USP8: variants seen among roughly 807,000 people sequenced by gnomAD.
The protein encoded by USP8 is ubiquitin carboxyl-terminal hydrolase 8.
A neutral mutation model predicts 130.0 loss-of-function variants in USP8; 27 were observed. The ratio of observed to expected loss-of-function variants is 0.21; its 90% CI spans 0.15 to 0.29. The LOEUF is 0.29. USP8 is among the 10% of genes least tolerant of loss of function. The pLI is 1.00. For synonymous variants in USP8, 392 were observed against 444.1 expected (o/e 0.88, Z 1.48); for missense variants, 1,029 against 1,312.2 (o/e 0.78, Z 3.33).
chr15:50,437,780 G>T (rs117273095), intron 1 of USP8, among the ~76,000 whole-genome samples: 178 of 152,336 alleles, frequency 1.2e-3, no homozygotes, highest in East Asian at 9.3e-3. Flanking sequence ...TTTGATATCA[G>T]TTGATCCATT....
At chr15:50,435,557 C>G (rs1024486594) in intron 1 of USP8, among the ~76,000 whole-genome samples, 3 of 152,168 alleles carry the variant, frequency 2.0e-5, no homozygotes, top group Admixed American at 1.3e-4. Context: ...TGCTTTCTCA[C>G]TTGATGAGCG....
chr15:50,459,996 C>CTTTTT lies in USP8; in HGVS notation c.498+848_498+852dup, dbSNP rs1555386693. 4.6e-4 allele frequency among the ~76,000 whole-genome samples: 42 copies of CTTTTT among 92,006 alleles called. 2 individuals carry two copies. The highest frequency in any genetic ancestry group is 1.1e-3 in the Admixed American group (9 of 8,002). 60.4% of individuals were successfully genotyped at this position (92,006 alleles called of 152,430 possible). A position where few individuals can be genotyped will look rare whatever the true frequency, so the allele number is the denominator to read the frequency against. On this transcript the variant is annotated intron_variant, in intron 5 of 19. Transcript: ENST00000307179. ...CTCCCCCAGTTCCCCCACCCCCCCC[C>CTTTTT]TTTTTTTTTTTTTTTTTTGAGACAG...
chr15:50,486,095 T>C (rs528337620), intron 12 of USP8, among the ~76,000 whole-genome samples: 1 of 152,282 alleles, frequency 6.6e-6, no homozygotes, highest in Non-Finnish European at 1.5e-5. Flanking sequence ...GAATTTAACA[T>C]GTTAAATTTT....
intron 10 of USP8, among the ~76,000 whole-genome samples, chr15:50,479,266 T>A (rs1480886942): frequency 6.6e-6 from 1 of 152,148 alleles, no homozygotes; most frequent in Non-Finnish European, 1.5e-5. Flanking sequence ...GTATTTTATC[T>A]GGGCTTTAAG....
At chr15:50,439,683 G>A (rs996673108) in intron 2 of USP8, among the ~76,000 whole-genome samples, 2 of 151,494 alleles carry the variant, frequency 1.3e-5, no homozygotes, top group Non-Finnish European at 2.9e-5. Flanking sequence ...CCAGCTACTC[G>A]GGAGGCTGAG....
Position 50,449,498 on chromosome 15 carries a change from T to C in USP8, c.335+13T>C. On this transcript the variant is annotated intron_variant, in intron 4 of 19. Transcript: ENST00000307179. ...GCCTTAAATTAAGGTACAGATATTATGAAATATTTAAAATAATGTAAATTT... is the reference window on the plus strand; with the variant it reads ...GCCTTAAATTAAGGTACAGATATTACGAAATATTTAAAATAATGTAAATTT... 2 of 1,475,144 alleles carry C rather than the reference T, an allele frequency of 1.4e-6. No individual in the cohort carries two copies. The highest frequency in any genetic ancestry group is 1.8e-6 in the Non-Finnish European group (2 of 1,091,902). The allele number at this position is 1,475,144 out of a possible 1,614,324, so 91.4% of individuals were successfully genotyped here. A position where few individuals can be genotyped will look rare whatever the true frequency, so the allele number is the denominator to read the frequency against.
intron 5 of USP8, among the ~76,000 whole-genome samples, chr15:50,461,597 A>C (rs2051008068): frequency 6.6e-6 from 1 of 152,160 alleles, no homozygotes; most frequent in Non-Finnish European, 1.5e-5. Context: ...GCTCATGCCT[A>C]TAATCCCAGC....
At chr15:50,459,477 G>A (rs954173744) in intron 5 of USP8, among the ~76,000 whole-genome samples, 7 of 151,972 alleles carry the variant, frequency 4.6e-5, no homozygotes, top group Non-Finnish European at 1.0e-4. Flanking sequence ...CCAGCTACTC[G>A]AGAGGCTAAA....
At position 50,502,157 on chromosome 15, in the gene USP8, G is replaced by A. The variant is rs2052599250; in HGVS notation, c.*3069G>A. On this transcript the variant is annotated 3_prime_UTR_variant, in exon 20 of 20. Transcript: ENST00000307179. ...GAGTCTCTCTCTGTTGCCCAGGCTG[G>A]AATGCAGTGGCACGATCTCGGCTCA... The A allele has an allele frequency of 6.6e-6, 1 of 152,028 alleles. No individual in the cohort carries two copies. The highest frequency in any genetic ancestry group is 2.1e-4 in the South Asian group (1 of 4,818). The allele number at this position is 152,028 out of a possible 1,614,324, so 9.4% of individuals were successfully genotyped here. A position where few individuals can be genotyped will look rare whatever the true frequency, so the allele number is the denominator to read the frequency against.
intron 5 of USP8, among the ~76,000 whole-genome samples, chr15:50,461,223 C>A: frequency 6.6e-6 from 1 of 152,074 alleles, no homozygotes. Context: ...AACTCCCAAC[C>A]TCAGGTGACC....
At chr15:50,463,224 A>G (rs539233814) in intron 6 of USP8, among the ~76,000 whole-genome samples, 4 of 152,272 alleles carry the variant, frequency 2.6e-5, no homozygotes, top group Admixed American at 6.5e-5. Context: ...ACTGCAGCCT[A>G]TGACAGTGAG....
At chr15:50,433,878 T>A (rs1194506707) in intron 1 of USP8, among the ~76,000 whole-genome samples, 2 of 152,256 alleles carry the variant, frequency 1.3e-5, no homozygotes, top group East Asian at 3.9e-4. Flanking sequence ...GTGTTGGGAT[T>A]ACAGGCGTGA....
chr15:50,469,260 A>G (rs1046482497), intron 7 of USP8, among the ~76,000 whole-genome samples: 20 of 152,112 alleles, frequency 1.3e-4, no homozygotes, highest in African/African-American at 4.8e-4. Context: ...ACAATTTCCT[A>G]TTAAATTTAT....
intron 2 of USP8, 95 bp downstream of exon 2, chr15:50,439,272 A>G: frequency 1.3e-6 from 1 of 781,414 alleles, no homozygotes; most frequent in Non-Finnish European, 2.0e-6. Context: ...TTTATTTGAA[A>G]AATAACACCA....
chr15:50,433,865 A>C (rs1004077283), intron 1 of USP8, among the ~76,000 whole-genome samples: 1 of 152,184 alleles, frequency 6.6e-6, no homozygotes, highest in Non-Finnish European at 1.5e-5. Flanking sequence ...TTGGCCTCCC[A>C]AAGTGTTGGG....
intron 1 of USP8, among the ~76,000 whole-genome samples, chr15:50,434,916 G>A (rs1256422349): frequency 1.3e-5 from 2 of 152,054 alleles, no homozygotes; most frequent in Non-Finnish European, 2.9e-5. Flanking sequence ...CACTGCACCC[G>A]GCCACATAAG....
At chr15:50,490,040 C>A (rs2052101486) in intron 13 of USP8, among the ~76,000 whole-genome samples, 159 bp downstream of exon 13, 1 of 152,012 alleles carries the variant, frequency 6.6e-6, no homozygotes, top group African/African-American at 2.4e-5. Context: ...TTCTCAATAC[C>A]CAACCTGAGA....
At chr15:50,439,481 A>G (rs900698422) in intron 2 of USP8, among the ~76,000 whole-genome samples, 1 of 152,180 alleles carries the variant, frequency 6.6e-6, no homozygotes, top group African/African-American at 2.4e-5. Context: ...TCTTTTCATA[A>G]AACGATACAA....
At chr15:50,440,179 A>G (rs2050208829) in intron 2 of USP8, among the ~76,000 whole-genome samples, 1 of 152,174 alleles carries the variant, frequency 6.6e-6, no homozygotes, top group Admixed American at 6.6e-5. Context: ...ACAGAAAACA[A>G]CTCTAACTCC....
Sources: gnomAD v4.1 joint callset for allele counts (sites outside exome capture counted in the v4.1 genomes callset) on GRCh38, gnomAD v4.1.1 for gene constraint, MANE v1.5 for transcripts, NCBI Gene and HGNC (gene_info 2026-07-23, HGNC 2026-07-21) for gene names.